Variants in NCALD observed in about 807,000 individuals in gnomAD.
NCALD encodes the protein neurocalcin-delta.
NCALD carries 10 observed loss-of-function variants against 18.6 expected under a neutral mutation model. The observed-to-expected ratio is 0.54, with a 90% CI of 0.33 to 0.91. The LOEUF (loss-of-function observed/expected upper bound fraction) is 0.91, where lower values mean the gene tolerates loss of function less well. Ranked by LOEUF, NCALD falls within the 40% of genes least tolerant of loss-of-function variation. NCALD has a pLI of 0.03. For missense variants in NCALD, 184 were observed against 247.6 expected (o/e 0.74, Z 1.72); for synonymous variants, 88 against 87.4 (o/e 1.01, Z -0.04).
chr8:101,903,009 C>T (rs1005278693), intron 3 of NCALD, among the ~76,000 whole-genome samples: 1 of 152,162 alleles, frequency 6.6e-6, no homozygotes, highest in African/African-American at 2.4e-5. Flanking sequence ...AGGCTTACAG[C>T]CTCTACTCTC....
intron 2 of NCALD, among the ~76,000 whole-genome samples, chr8:101,716,719 C>T (rs565851737): frequency 2.0e-5 from 3 of 152,326 alleles, no homozygotes; most frequent in South Asian, 4.1e-4. Flanking sequence ...GGAAGACAAA[C>T]TTTGCAGACG....
chr8:102,027,998 C>A (rs576321194), intron 1 of NCALD, among the ~76,000 whole-genome samples: 2 of 152,226 alleles, frequency 1.3e-5, no homozygotes, highest in African/African-American at 4.8e-5. Context: ...AACTGTAATT[C>A]AAGATAAGAT....
At chr8:102,117,396 A>G (rs570894720) in intron 1 of NCALD, among the ~76,000 whole-genome samples, 31 of 152,340 alleles carry the variant, frequency 2.0e-4, no homozygotes, top group African/African-American at 7.0e-4. Context: ...AAAAGAATAT[A>G]AAAGTCCCAC....
chr8:101,803,703 A>G (rs1313260535), intron 4 of NCALD, among the ~76,000 whole-genome samples: 1 of 152,202 alleles, frequency 6.6e-6, no homozygotes, highest in Non-Finnish European at 1.5e-5. Context: ...TCTAACCTTC[A>G]TGGATGACTT....
chr8:102,043,873 T>A (rs1823145590), intron 1 of NCALD, among the ~76,000 whole-genome samples: 3 of 151,706 alleles, frequency 2.0e-5, no homozygotes, highest in Admixed American at 2.0e-4. Context: ...TGTCTTTGCT[T>A]CCCTCTCCCT....
chr8:101,965,331 A>C (rs1482747918), intron 2 of NCALD, among the ~76,000 whole-genome samples: 1 of 152,214 alleles, frequency 6.6e-6, no homozygotes, highest in African/African-American at 2.4e-5. Flanking sequence ...TTATTGCAGC[A>C]CTGTTCACAA....
At chr8:101,749,772 C>A (rs1360067527) in intron 1 of NCALD, among the ~76,000 whole-genome samples, 1 of 152,114 alleles carries the variant, frequency 6.6e-6, no homozygotes, top group Non-Finnish European at 1.5e-5. Flanking sequence ...GAGGTGAGAA[C>A]TACAGGTTGT....
intron 4 of NCALD, among the ~76,000 whole-genome samples, chr8:101,820,311 TGA>T (rs1420031271): frequency 6.6e-6 from 1 of 152,234 alleles, no homozygotes; most frequent in Non-Finnish European, 1.5e-5. Flanking sequence ...TTCACAGCAT[TGA>T]ACAGTACCTG....
intron 1 of NCALD, among the ~76,000 whole-genome samples, chr8:102,116,349 C>A (rs1430275652): frequency 1.3e-5 from 2 of 152,184 alleles, no homozygotes; most frequent in African/African-American, 2.4e-5. Context: ...AATCTAGGGG[C>A]ACCGTAACAG....
chr8:102,010,066 C>T (rs917163933), intron 2 of NCALD, among the ~76,000 whole-genome samples: 3 of 152,178 alleles, frequency 2.0e-5, no homozygotes, highest in South Asian at 2.1e-4. Context: ...TAAGCAACAA[C>T]GAGGAAGGGG....
At chr8:101,996,259 A>T (rs1181596221) in intron 2 of NCALD, among the ~76,000 whole-genome samples, 1 of 152,260 alleles carries the variant, frequency 6.6e-6, no homozygotes, top group Non-Finnish European at 1.5e-5. Flanking sequence ...AGGACTACGT[A>T]TATAAGTTTC....
chr8:101,689,259 A>C lies in NCALD; in HGVS notation c.*50T>G. ...AAAAAAAAAATTGTTAAAAAGAAGA[A>C]TCAAAAGGGAACACAAGCAGCTCTA... On this transcript the variant is annotated 3_prime_UTR_variant, in exon 4 of 4. Coordinates refer to ENST00000220931, the MANE Select transcript of NCALD (RefSeq NM_032041.3). This position sits in a 1 kb window ranked among gnomAD's most constrained non-coding sequence, Gnocchi z 4.4. The C allele has an allele frequency of 6.4e-7, 1 of 1,567,562 alleles. No homozygotes were observed. The highest frequency in any genetic ancestry group is 8.7e-7 in the Non-Finnish European group (1 of 1,148,566).
intron 2 of NCALD, among the ~76,000 whole-genome samples, chr8:101,997,436 T>C (rs1044933542): frequency 2.6e-5 from 4 of 151,928 alleles, no homozygotes; most frequent in Admixed American, 6.6e-5. Context: ...CCATCACCAA[T>C]AGGGGAAGAA....
chr8:101,972,122 C>T (rs1239485317), intron 2 of NCALD, among the ~76,000 whole-genome samples: 1 of 152,082 alleles, frequency 6.6e-6, no homozygotes, highest in Non-Finnish European at 1.5e-5. Flanking sequence ...AACTGACATG[C>T]ATATTTAAAC....
At chr8:101,971,936 CT>C (rs1209571583) in intron 2 of NCALD, among the ~76,000 whole-genome samples, 2 of 152,130 alleles carry the variant, frequency 1.3e-5, no homozygotes, top group Non-Finnish European at 1.5e-5. Context: ...TATGTAATGA[CT>C]TGTAGAAAGT....
chr8:101,815,445 A>C (rs1282670105), intron 4 of NCALD, among the ~76,000 whole-genome samples: 3 of 152,158 alleles, frequency 2.0e-5, no homozygotes, highest in Non-Finnish European at 2.9e-5. Flanking sequence ...AGGACTCTTA[A>C]AACTCAACAA....
chr8:101,967,550 G>T (rs1009079837), intron 2 of NCALD, among the ~76,000 whole-genome samples: 4 of 152,074 alleles, frequency 2.6e-5, no homozygotes, highest in African/African-American at 9.7e-5. Flanking sequence ...CGAATCAATT[G>T]GTTAAGTGTC....
chr8:102,083,387 T>C lies in NCALD; in HGVS notation c.-210+40850A>G, dbSNP rs1426089390. ...CTTCCCATAACCAATTAAAGCTTGATGGCTGCAATTATAAATATAAAAGAA... is the reference window on the plus strand; with the variant it reads ...CTTCCCATAACCAATTAAAGCTTGACGGCTGCAATTATAAATATAAAAGAA... On this transcript the variant is annotated intron_variant, in intron 1 of 6. Transcript: ENST00000311028. Among the ~76,000 whole-genome samples the C allele has an allele frequency of 2.0e-5, 3 of 152,336 alleles. No homozygotes were observed. The South Asian group carries it at 6.2e-4, about 32-fold the overall frequency.
intron 1 of NCALD, among the ~76,000 whole-genome samples, chr8:101,767,749 A>G (rs1811411309): frequency 6.6e-6 from 1 of 152,238 alleles, no homozygotes; most frequent in South Asian, 2.1e-4. Flanking sequence ...GTAAATGCAG[A>G]ATTCCACTTT....
Sources: allele counts gnomAD v4.1 joint callset (sites outside exome capture counted in the v4.1 genomes callset), GRCh38; gene constraint gnomAD v4.1.1; non-coding constraint Gnocchi (gnomAD v3.1); transcripts MANE v1.5; gene names NCBI Gene and HGNC (gene_info 2026-07-23, HGNC 2026-07-21).